CACNA1C: variants seen among roughly 807,000 people sequenced by gnomAD.
CACNA1C encodes calcium voltage-gated channel subunit alpha1 C.
Under a neutral mutation model 229.0 loss-of-function variants are expected in CACNA1C, and 30 were observed. The observed-to-expected ratio is 0.13, with a 90% CI of 0.10 to 0.18. The LOEUF is 0.18. Among genes scored for constraint, CACNA1C ranks in the 10% least tolerant of loss-of-function variants. The probability of loss-of-function intolerance (pLI) is 1.00; values close to 1 mark genes in which losing one functional copy is unlikely to be tolerated. For missense variants in CACNA1C, 1,658 were observed against 2,845.0 expected (o/e 0.58, Z 9.49); for synonymous variants, 1,114 against 1,132.5 (o/e 0.98, Z 0.33).
chr12:2,547,536 C>T (rs1205276664), intron 9 of CACNA1C: 1 of 779,426 alleles, frequency 1.3e-6, no homozygotes, highest in Non-Finnish European at 2.4e-6. Context: ...TAATGTTCCC[C>T]TGTGCTCTGT....
rs1226612048 is a variant in CACNA1C, at chr12:1,993,215, T to G, written c.139+22014T>G. 4 of 1,613,652 alleles carry G rather than the reference T, an allele frequency of 2.5e-6. No individual in the cohort carries two copies. The South Asian group carries it at 4.4e-5, about 18-fold the overall frequency. ...CAAACACTGTACAATTTTAAACACT[T>G]GGCCAAACTTCAGAAGTAAAACAAC... On this transcript the variant is annotated intron_variant, in intron 1 of 46. Transcript: ENST00000682462.
intron 1 of CACNA1C, among the ~76,000 whole-genome samples, chr12:2,057,242 C>T (rs1441652336): frequency 6.6e-6 from 1 of 152,218 alleles, no homozygotes; most frequent in Admixed American, 6.5e-5. Context: ...ATTTCGAGGC[C>T]CTGCTCATCT....
rs143085264 is a variant in CACNA1C, at chr12:2,335,014, C to G, written c.478-113962C>G. Among the ~76,000 whole-genome samples, 1,177 of 152,290 alleles carry G rather than the reference C, an allele frequency of 7.7e-3. 6 individuals carry two copies. The highest frequency in any genetic ancestry group is 0.013 in the Non-Finnish European group (883 of 68,000). On this transcript the variant is annotated intron_variant, in intron 3 of 46. Transcript: ENST00000399655. ...ATGGCCCCAGGCTGAGGCACCCATT[C>G]CAGGGACTCCCACGCCTGCTTCCAA...
At chr12:1,993,444 C>T in intron 1 of CACNA1C, 1 of 1,582,486 alleles carries the variant, frequency 6.3e-7, no homozygotes, top group Non-Finnish European at 8.6e-7. Context: ...GCTTAGTATG[C>T]TATATTTTCA....
rs773139949 is a variant in CACNA1C, at chr12:2,486,822, G to A, written c.916+560G>A. On this transcript the variant is annotated intron_variant, in intron 6 of 46. Coordinates refer to ENST00000399655, the MANE Select transcript of CACNA1C (RefSeq NM_000719.7). The surrounding 1 kb of genome is among the most constrained non-coding windows in gnomAD (Gnocchi z 4.9). ...AGCCCCTATTCCAGGTGGGGGAGGA[G>A]GGCAGGTGGGAATCACCCCCTTGCC... 2.0e-5 allele frequency among the ~76,000 whole-genome samples: 3 copies of A among 152,154 alleles called. No homozygotes were observed. The highest frequency in any genetic ancestry group is 2.9e-5 in the Non-Finnish European group (2 of 68,026).
intron 37 of CACNA1C, among the ~76,000 whole-genome samples, chr12:2,667,853 A>C (rs530768261): frequency 6.6e-6 from 1 of 152,268 alleles, no homozygotes; most frequent in South Asian, 2.1e-4. Flanking sequence ...GTGAGCTGAC[A>C]AATAGCCCCC....
chr12:2,462,601 T>C (rs954461683), intron 5 of CACNA1C, among the ~76,000 whole-genome samples: 1 of 152,232 alleles, frequency 6.6e-6, no homozygotes, highest in Non-Finnish European at 1.5e-5. Flanking sequence ...ATCTGTAGAA[T>C]GAGCAAACAT....
chr12:2,555,112 T>A (rs1482053066), intron 10 of CACNA1C, among the ~76,000 whole-genome samples: 2 of 152,238 alleles, frequency 1.3e-5, no homozygotes, highest in Admixed American at 1.3e-4. Context: ...CAGAAGGACC[T>A]GTAGTCCACG....
At chr12:2,599,178 T>A (rs910276350) in intron 21 of CACNA1C, among the ~76,000 whole-genome samples, 2 of 152,210 alleles carry the variant, frequency 1.3e-5, no homozygotes, top group Non-Finnish European at 2.9e-5. Context: ...TTTGCAAGCA[T>A]TGTCATGGCA....
At position 2,648,544 on chromosome 12, in the gene CACNA1C, G is replaced by A. The variant is rs139691733; in HGVS notation, c.3945+37G>A. On this transcript the variant is annotated intron_variant, in intron 31 of 46. Coordinates refer to ENST00000399655, the MANE Select transcript of CACNA1C (RefSeq NM_000719.7). ...CCTCCCGACCATGCTCCCGGCTTCC[G>A]TGTCCCCCTCTAACACCCCCACTCT... 793 of 1,605,646 alleles carry A rather than the reference G, an allele frequency of 4.9e-4. 4 individuals carry two copies. In the African/African-American group the frequency reaches 9.0e-3, roughly 18 times the overall value.
chr12:2,208,138 C>G (rs764410810), intron 3 of CACNA1C, among the ~76,000 whole-genome samples: 2 of 152,236 alleles, frequency 1.3e-5, no homozygotes, highest in African/African-American at 2.4e-5. Flanking sequence ...AATGAATGTT[C>G]CTTAAGTACC....
intron 3 of CACNA1C, among the ~76,000 whole-genome samples, chr12:2,310,762 G>A (rs552214646): frequency 1.5e-4 from 23 of 152,234 alleles, no homozygotes; most frequent in Non-Finnish European, 2.6e-4. Flanking sequence ...ATGCCAAGGA[G>A]CTGGTGTGTT....
rs1437073188 is a variant in CACNA1C, at chr12:2,653,246, T to C, written c.4075-589T>C. On this transcript the variant is annotated intron_variant, in intron 32 of 46. Transcript: ENST00000399655. This position sits in a 1 kb window ranked among gnomAD's most constrained non-coding sequence, Gnocchi z 4.7. ...CCACAAAACCGCTGAGAGGTATTATTATTGTTTCCATTTTTCTGATGAGGA... is the reference window on the plus strand; with the variant it reads ...CCACAAAACCGCTGAGAGGTATTATCATTGTTTCCATTTTTCTGATGAGGA... Among the ~76,000 whole-genome samples the C allele has an allele frequency of 6.6e-6, 1 of 152,228 alleles. No homozygotes were observed. Among genetic ancestry groups the C allele is most frequent in the Non-Finnish European group, 1.5e-5 (1 of 68,038 alleles).
At chr12:1,998,803 G>T (rs1314616206) in intron 1 of CACNA1C, among the ~76,000 whole-genome samples, 1 of 152,152 alleles carries the variant, frequency 6.6e-6, no homozygotes, top group Non-Finnish European at 1.5e-5. Context: ...CTGTAATTCA[G>T]AATTTAAAAT....
intron 29 of CACNA1C, among the ~76,000 whole-genome samples, chr12:2,621,374 A>G (rs2083146294): frequency 6.6e-6 from 1 of 152,110 alleles, no homozygotes; most frequent in African/African-American, 2.4e-5. Context: ...CAGAAGGAAG[A>G]GCAAAGACCC....
Position 2,585,953 on chromosome 12 carries a change from T to C in CACNA1C, c.2530+49T>C, listed in dbSNP as rs762050144. Reference sequence around the variant, plus strand: ...GGGATTGGGAGATTGGGGGCAGAGATCTAAATTCTAAAGCCACGTGGGAGT... The same window carrying C: ...GGGATTGGGAGATTGGGGGCAGAGACCTAAATTCTAAAGCCACGTGGGAGT... On this transcript the variant is annotated intron_variant, in intron 18 of 46. Transcript: ENST00000399655. The surrounding 1 kb of genome is among the most constrained non-coding windows in gnomAD (Gnocchi z 4.1). 4 of 1,216,830 alleles carry C rather than the reference T, an allele frequency of 3.3e-6. No individual in the cohort carries two copies. Among genetic ancestry groups the C allele is most frequent in the Non-Finnish European group, 4.6e-6 (4 of 861,428 alleles). The allele number at this position is 1,216,830 out of a possible 1,614,324, so 75.4% of individuals were successfully genotyped here.
At chr12:2,006,611 TC>T (rs1234458188) in intron 1 of CACNA1C, among the ~76,000 whole-genome samples, 1 of 152,130 alleles carries the variant, frequency 6.6e-6, no homozygotes, top group Non-Finnish European at 1.5e-5. Context: ...ACATACCCTC[TC>T]ATAATAATAT....
At chr12:2,626,702 A>G (rs544472950) in intron 29 of CACNA1C, among the ~76,000 whole-genome samples, 21 of 152,130 alleles carry the variant, frequency 1.4e-4, no homozygotes, top group African/African-American at 4.3e-4. Flanking sequence ...GGATCCCCCA[A>G]TCTACCCAGG....
At chr12:2,214,302 C>G (rs1209607818) in intron 3 of CACNA1C, among the ~76,000 whole-genome samples, 1 of 152,174 alleles carries the variant, frequency 6.6e-6, no homozygotes, top group East Asian at 1.9e-4. Flanking sequence ...ATGTGGGTAA[C>G]TTGCTCGACC....
Sources: allele counts gnomAD v4.1 joint callset (sites outside exome capture counted in the v4.1 genomes callset), GRCh38; gene constraint gnomAD v4.1.1; non-coding constraint Gnocchi (gnomAD v3.1); transcripts MANE v1.5; gene names NCBI Gene and HGNC (gene_info 2026-07-23, HGNC 2026-07-21).